The following NPTN variants were observed in gnomAD, a reference collection of about 807,000 sequenced individuals.
The protein encoded by NPTN is SDR-1.
NPTN carries 5 observed loss-of-function variants against 42.7 expected under a neutral mutation model. The ratio of observed to expected loss-of-function variants is 0.12; its 90% CI spans 0.06 to 0.25. NPTN has a LOEUF of 0.25. Among genes scored for constraint, NPTN ranks in the 10% least tolerant of loss-of-function variants. The pLI, the probability that NPTN is intolerant of heterozygous loss-of-function variation, is 1.00. For synonymous variants in NPTN, 180 were observed against 201.9 expected, an observed-to-expected ratio of 0.89 and a Z score of 0.92; for missense variants, 307 against 525.4, an observed-to-expected ratio of 0.58 and a Z score of 4.06.
At chr15:73,624,582 T>C (rs1898302349) in intron 1 of NPTN, among the ~76,000 whole-genome samples, 1 of 152,224 alleles carries the variant, frequency 6.6e-6, no homozygotes, top group South Asian at 2.1e-4. Flanking sequence ...TTGCCTTTTT[T>C]TCCTCCAGGA....
intron 4 of NPTN, among the ~76,000 whole-genome samples, chr15:73,576,604 C>T (rs1325035385): frequency 6.6e-6 from 1 of 152,188 alleles, no homozygotes; most frequent in Non-Finnish European, 1.5e-5. Context: ...GCTGGGTTTA[C>T]AGGTGTGAGC....
At chr15:73,579,981 A>C (rs1400127781) in intron 4 of NPTN, among the ~76,000 whole-genome samples, 1 of 152,170 alleles carries the variant, frequency 6.6e-6, no homozygotes, top group African/African-American at 2.4e-5. Context: ...TTATGCCACT[A>C]AGTTTTGGGG....
At chr15:73,619,545 A>G (rs1898030284) in intron 1 of NPTN, among the ~76,000 whole-genome samples, 1 of 152,260 alleles carries the variant, frequency 6.6e-6, no homozygotes, top group African/African-American at 2.4e-5. Context: ...GGCTTCAAAA[A>G]TAAAGACCAC....
chr15:73,623,382 T>G (rs1354017938), intron 1 of NPTN, among the ~76,000 whole-genome samples: 1 of 152,234 alleles, frequency 6.6e-6, no homozygotes, highest in Non-Finnish European at 1.5e-5. Context: ...CACTAATTTC[T>G]GATCTTTAAA....
At chr15:73,591,157 A>G (rs1348519395) in intron 3 of NPTN, among the ~76,000 whole-genome samples, 1 of 152,206 alleles carries the variant, frequency 6.6e-6, no homozygotes, top group Non-Finnish European at 1.5e-5. Flanking sequence ...GATCAACTAA[A>G]TAAGGGGTGT....
chr15:73,599,388 G>A (rs143274785), intron 1 of NPTN: 2,374 of 153,680 alleles, frequency 0.015, 85 homozygotes, highest in African/African-American at 0.054. Context: ...GGCTGAGGCG[G>A]GAGGATCATG....
chr15:73,584,680 T>A (rs1310167037), intron 4 of NPTN, among the ~76,000 whole-genome samples: 1 of 150,404 alleles, frequency 6.6e-6, no homozygotes, highest in African/African-American at 2.5e-5. Flanking sequence ...CTTCTCTCCA[T>A]CTGTGCAGAT....
intron 3 of NPTN, among the ~76,000 whole-genome samples, chr15:73,590,187 G>A (rs987519846): frequency 4.6e-5 from 7 of 152,030 alleles, no homozygotes; most frequent in African/African-American, 1.7e-4. Context: ...CTACAGGCTG[G>A]GCAGAAGCAG....
intron 4 of NPTN, among the ~76,000 whole-genome samples, chr15:73,586,319 T>C (rs911475218): frequency 1.3e-5 from 2 of 152,352 alleles, no homozygotes; most frequent in Non-Finnish European, 2.9e-5. Context: ...GTTGAATACA[T>C]GTGGCATTCT....
chr15:73,583,854 G>A (rs973598034), intron 4 of NPTN, among the ~76,000 whole-genome samples: 1 of 152,178 alleles, frequency 6.6e-6, no homozygotes, highest in African/African-American at 2.4e-5. Context: ...CCGTGTGAAT[G>A]TGGTCTGGGT....
chr15:73,567,945 C>A, intron 6 of NPTN: 1 of 985,440 alleles, frequency 1.0e-6, no homozygotes, highest in Non-Finnish European at 1.2e-6. Context: ...TTTGCACTTA[C>A]CCTGCCGTCA....
Position 73,569,651 on chromosome 15 carries a change from C to G in NPTN, c.1114+499G>C. On this transcript the variant is annotated intron_variant, in intron 6 of 8. Coordinates refer to ENST00000345330, the MANE Select transcript of NPTN (RefSeq NM_012428.4). The surrounding 1 kb of genome is among the most constrained non-coding windows in gnomAD (Gnocchi z 4.1). ...AATGGCTTTTCTGAGAACAGTCTGACTGGGCTGGGGCAGTTACCTACAGGG... is the reference window on the plus strand; with the variant it reads ...AATGGCTTTTCTGAGAACAGTCTGAGTGGGCTGGGGCAGTTACCTACAGGG... 1.0e-6 allele frequency: 1 copy of G among 985,468 alleles called. No individual in the cohort carries two copies. Among genetic ancestry groups the G allele is most frequent in the Non-Finnish European group, 1.2e-6 (1 of 829,936 alleles). 61.0% of individuals were successfully genotyped at this position (985,468 alleles called of 1,614,324 possible).
chr15:73,564,139 A>G (rs1894845396), intron 6 of NPTN, among the ~76,000 whole-genome samples: 2 of 152,364 alleles, frequency 1.3e-5, no homozygotes, highest in South Asian at 4.1e-4. Context: ...AAGCAGAGAT[A>G]CACATTCACA....
chr15:73,615,107 TCA>T (rs906733453), intron 1 of NPTN, among the ~76,000 whole-genome samples: 4 of 152,070 alleles, frequency 2.6e-5, no homozygotes. Flanking sequence ...AGATGGATGT[TCA>T]CAGTTTCTGT....
At chr15:73,618,135 C>T (rs1378469809) in intron 1 of NPTN, among the ~76,000 whole-genome samples, 1 of 152,214 alleles carries the variant, frequency 6.6e-6, no homozygotes. Flanking sequence ...TTACTAGCCG[C>T]CTGCCTGGAA....
At chr15:73,603,178 G>A (rs1169933912) in intron 1 of NPTN, among the ~76,000 whole-genome samples, 1 of 152,182 alleles carries the variant, frequency 6.6e-6, no homozygotes, top group East Asian at 1.9e-4. Context: ...CTACCTCACA[G>A]GGTTATTGTG....
At chr15:73,605,147 TA>T (rs1897243386) in intron 1 of NPTN, among the ~76,000 whole-genome samples, 1 of 150,458 alleles carries the variant, frequency 6.6e-6, no homozygotes, top group South Asian at 2.1e-4. Flanking sequence ...AGTGTTCTAT[TA>T]ACATACCTCA....
chr15:73,627,497 G>T (rs1052560885), intron 1 of NPTN, among the ~76,000 whole-genome samples: 1 of 152,148 alleles, frequency 6.6e-6, no homozygotes, highest in African/African-American at 2.4e-5. Context: ...AAAACAGCAG[G>T]TATCTGAGGA....
intron 1 of NPTN, among the ~76,000 whole-genome samples, chr15:73,610,555 T>C (rs1027938978): frequency 5.3e-5 from 8 of 152,188 alleles, no homozygotes; most frequent in African/African-American, 1.9e-4. Flanking sequence ...TCTCAACTTT[T>C]AAAAAGGAAA....
Sources: gnomAD v4.1 joint callset for allele counts (sites outside exome capture counted in the v4.1 genomes callset) on GRCh38, gnomAD v4.1.1 for gene constraint, Gnocchi (gnomAD v3.1) non-coding constraint, MANE v1.5 for transcripts, NCBI Gene and HGNC (gene_info 2026-07-23, HGNC 2026-07-21) for gene names.